HECTD2: variants seen among roughly 807,000 people sequenced by gnomAD.
HECTD2 encodes HECT domain E3 ubiquitin protein ligase 2.
A neutral mutation model predicts 103.2 loss-of-function variants in HECTD2; 35 were observed. That is an observed-to-expected ratio of 0.34 (90% confidence interval 0.26 to 0.45). The LOEUF (loss-of-function observed/expected upper bound fraction) is 0.45, where lower values mean the gene tolerates loss of function less well. HECTD2 is among the 20% of genes least tolerant of loss of function. The pLI is 1.00. For missense variants in HECTD2, 596 were observed against 937.4 expected (o/e 0.64, Z 4.76); for synonymous variants, 281 against 329.9 (o/e 0.85, Z 1.61).
chr10:91,417,144 C>CT (rs761159164), intron 1 of HECTD2, among the ~76,000 whole-genome samples: 4 of 151,930 alleles, frequency 2.6e-5, no homozygotes, highest in Non-Finnish European at 5.9e-5. Flanking sequence ...ATTTTTTCTC[C>CT]TTTTTTTATA....
chr10:91,437,619 C>CTTTTTTTTTTTTTTTTT (rs59785873), intron 2 of HECTD2, among the ~76,000 whole-genome samples: 1 of 87,426 alleles, frequency 1.1e-5, no homozygotes, highest in Non-Finnish European at 2.7e-5. Context: ...GATGGTTGTT[C>CTTTTTTTTTTTTTTTTT]TTTTTTTTTT....
chr10:91,472,338 G>T (rs1369370376), intron 5 of HECTD2, among the ~76,000 whole-genome samples: 1 of 152,056 alleles, frequency 6.6e-6, no homozygotes, highest in Non-Finnish European at 1.5e-5. Flanking sequence ...TGTAAAAACT[G>T]AAAGTATAAA....
chr10:91,430,714 T>C (rs1483389915), intron 2 of HECTD2, among the ~76,000 whole-genome samples: 1 of 152,134 alleles, frequency 6.6e-6, no homozygotes, highest in Admixed American at 6.5e-5. Context: ...CTGCCTTTTT[T>C]TGTTTTCCAT....
At chr10:91,410,670 C>T (rs372558629) in intron 1 of HECTD2, 94 bp downstream of exon 1, 7 of 1,173,056 alleles carry the variant, frequency 6.0e-6, no homozygotes, top group Middle Eastern at 3.1e-4. Flanking sequence ...CTGCGTTTAC[C>T]CTGGGCACGC....
chr10:91,466,219 C>T (rs1455503908), intron 5 of HECTD2, among the ~76,000 whole-genome samples: 1 of 152,042 alleles, frequency 6.6e-6, no homozygotes, highest in Admixed American at 6.5e-5. Context: ...TAGAGTTGTT[C>T]ATAATAGTCA....
intron 2 of HECTD2, among the ~76,000 whole-genome samples, chr10:91,445,029 G>C (rs540750755): frequency 6.6e-6 from 1 of 152,146 alleles, no homozygotes. Context: ...GGTAGGGGTT[G>C]GCAGTATATT....
intron 6 of HECTD2, among the ~76,000 whole-genome samples, chr10:91,479,394 A>C (rs948856915): frequency 6.6e-6 from 1 of 152,222 alleles, no homozygotes; most frequent in Non-Finnish European, 1.5e-5. Flanking sequence ...AAAGTAAAAA[A>C]TGTTTACATT....
Position 91,514,550 on chromosome 10 carries a change from T to C in HECTD2, c.*2166T>C, listed in dbSNP as rs1306542398. Reference sequence around the variant, plus strand: ...ACATATATAATCTGTTAATGAATTATTGATTTTTGTATCTGCCACAGTAAA... The same window carrying C: ...ACATATATAATCTGTTAATGAATTACTGATTTTTGTATCTGCCACAGTAAA... On this transcript the variant is annotated 3_prime_UTR_variant, in exon 21 of 21. Coordinates refer to ENST00000298068, the MANE Select transcript of HECTD2 (RefSeq NM_182765.6). The C allele has an allele frequency of 1.3e-5, 2 of 152,656 alleles. No individual in the cohort carries two copies. The highest frequency in any genetic ancestry group is 1.9e-4 in the East Asian group (1 of 5,204). The allele number at this position is 152,656 out of a possible 1,614,324, so 9.5% of individuals were successfully genotyped here.
At chr10:91,498,993 AG>A (rs774429824) in intron 17 of HECTD2, 34 bp downstream of exon 17, 38 of 1,549,042 alleles carry the variant, frequency 2.5e-5, no homozygotes, top group Non-Finnish European at 3.3e-5. Context: ...AAAATGAATT[AG>A]TATTTGCCAT....
intron 1 of HECTD2, among the ~76,000 whole-genome samples, chr10:91,416,725 T>A (rs1472553896): frequency 6.6e-6 from 1 of 152,218 alleles, no homozygotes; most frequent in Admixed American, 6.5e-5. Flanking sequence ...CCCTTTCTCC[T>A]CTACTCCTGT....
At chr10:91,490,460 G>A (rs1156460421) in intron 11 of HECTD2, among the ~76,000 whole-genome samples, 1 of 152,132 alleles carries the variant, frequency 6.6e-6, no homozygotes, top group African/African-American at 2.4e-5. Flanking sequence ...CTTTTGTAAA[G>A]TAGACTAATT....
At chr10:91,409,296 T>A (rs1176542110), upstream of HECTD2, 1 of 152,222 alleles carries the variant, frequency 6.6e-6, no homozygotes, top group East Asian at 1.9e-4. Flanking sequence ...AAGGAAATTG[T>A]CTAGGTGTCC....
In HECTD2 at chr10:91,436,730, C is replaced by A. The variant is rs939112103; in HGVS notation, c.268+11320C>A. Among the ~76,000 whole-genome samples the A allele has an allele frequency of 2.0e-5, 3 of 152,094 alleles. No homozygotes were observed. The East Asian group carries it at 5.8e-4, about 29-fold the overall frequency. On this transcript the variant is annotated intron_variant, in intron 2 of 20. Coordinates refer to ENST00000298068, the MANE Select transcript of HECTD2 (RefSeq NM_182765.6). ...TTATTTTTGCCTTCCCCGTTATATT[C>A]CCAGTTCCTGATTCTGTGCCCTTTA...
Position 91,485,309 on chromosome 10 carries a change from A to C in HECTD2, c.1094+6A>C. On this transcript the variant is annotated splice_donor_region_variant and intron_variant, in intron 10 of 20. Coordinates refer to ENST00000298068, the MANE Select transcript of HECTD2 (RefSeq NM_182765.6). The stretch of plus-strand genomic sequence containing the variant: ...AACTTTGGAAACTCTCACAGGTATG[A>C]ACAAAAGTTCCTTTGATTATCCACC... The C allele has an allele frequency of 6.3e-7, 1 of 1,582,106 alleles. No homozygotes were observed. The highest frequency in any genetic ancestry group is 8.6e-7 in the Non-Finnish European group (1 of 1,168,230).
intron 2 of HECTD2, among the ~76,000 whole-genome samples, chr10:91,446,204 C>T (rs1171376228): frequency 3.3e-5 from 5 of 150,374 alleles, no homozygotes; most frequent in African/African-American, 1.2e-4. Flanking sequence ...TGCTGTTCTG[C>T]AGCCTCTGCT....
chr10:91,481,705 A>G (rs1169436876), intron 7 of HECTD2, among the ~76,000 whole-genome samples: 2 of 151,764 alleles, frequency 1.3e-5, no homozygotes, highest in African/African-American at 4.8e-5. Flanking sequence ...ATGAAAAGCA[A>G]TTTTTACTTT....
chr10:91,482,788 TTCACTGTATAGCCGC>T (rs1366142801), intron 7 of HECTD2, among the ~76,000 whole-genome samples, 164 bp from the exon 8 acceptor site: 2 of 151,994 alleles, frequency 1.3e-5, no homozygotes, highest in Non-Finnish European at 2.9e-5. Context: ...CCATGCTCTT[TTCACTGTATAGCCGC>T]AGTGTAAATG....
chr10:91,485,508 G>T, intron 10 of HECTD2: 1 of 432,872 alleles, frequency 2.3e-6, no homozygotes, highest in South Asian at 3.3e-5. Context: ...ATTTGGTTTT[G>T]GTTTGGTTAA....
At chr10:91,411,520 C>G (rs1007966931) in intron 1 of HECTD2, among the ~76,000 whole-genome samples, 5 of 152,128 alleles carry the variant, frequency 3.3e-5, no homozygotes, top group South Asian at 4.1e-4. Flanking sequence ...TTCCTACTTG[C>G]GGTTCATTTC....
Sources: allele counts gnomAD v4.1 joint callset (sites outside exome capture counted in the v4.1 genomes callset), GRCh38; gene constraint gnomAD v4.1.1; transcripts MANE v1.5; gene names NCBI Gene and HGNC (gene_info 2026-07-23, HGNC 2026-07-21).